OGDHL: variants seen among roughly 807,000 people sequenced by gnomAD.
OGDHL encodes the protein 2-oxoglutarate dehydrogenase-like, mitochondrial.
A neutral mutation model predicts 109.6 loss-of-function variants in OGDHL; 79 were observed. That is an observed-to-expected ratio of 0.72 (90% CI 0.60 to 0.87). The LOEUF (loss-of-function observed/expected upper bound fraction) is 0.87. OGDHL is among the 40% of genes least tolerant of loss of function. OGDHL has a pLI of 0.00. For missense variants in OGDHL, 1,275 were observed against 1,362.2 expected (o/e 0.94, Z 1.01); for synonymous variants, 528 against 537.2 (o/e 0.98, Z 0.24).
chr10:49,756,891 T>C lies in OGDHL; in HGVS notation c.260A>G (p.Gln87Arg), dbSNP rs1842950419. Reference protein sequence around the residue: ...ASEEAFSGSAQPRPPSVVHES... With the variant: ...ASEEAFSGSARPRPPSVVHES... ...ATGGACAACAGAAGGGGGCCGTGGCTGAGCAGAGCCAGAAAAGGCTTCCTC... is the reference window on the plus strand; with the variant it reads ...ATGGACAACAGAAGGGGGCCGTGGCCGAGCAGAGCCAGAAAAGGCTTCCTC... The change falls in exon 3 of 23, where the codon CAG (glutamine) becomes CGG (arginine). Residue 87 changes from glutamine (Q) to arginine (R), a missense_variant. Coordinates refer to ENST00000374103, the MANE Select transcript of OGDHL (RefSeq NM_018245.3). 1 of 1,613,962 alleles carries C rather than the reference T, an allele frequency of 6.2e-7. No individual in the cohort carries two copies. The highest frequency in any genetic ancestry group is 1.1e-5 in the South Asian group (1 of 90,990).
At position 49,736,036 on chromosome 10, in the gene OGDHL, C is replaced by T. The variant is rs752009746; in HGVS notation, c.2896G>A (p.Ala966Thr). 4.4e-6 allele frequency: 7 copies of T among 1,587,042 alleles called. No homozygotes were observed. The highest frequency in any genetic ancestry group is 5.1e-6 in the Non-Finnish European group (6 of 1,167,574). The change falls in exon 22 of 23, where the codon GCA becomes ACA. Residue 966 changes from alanine (A) to threonine (T), a missense_variant. Coordinates refer to ENST00000374103, the MANE Select transcript of OGDHL (RefSeq NM_018245.3). Reference protein sequence around the residue: ...SPRFMTILRRARPIWYVGRDP... With the variant: ...SPRFMTILRRTRPIWYVGRDP... ...CCCACCATGTACCATATGGGCCGTG[C>T]GCGCCTCAGGATGGTCATGAAGCGT...
In OGDHL at chr10:49,756,828, C is replaced by T. The variant is rs1842945851; in HGVS notation, c.323G>A (p.Ser108Asn). The T allele has an allele frequency of 1.2e-6, 2 of 1,613,880 alleles. No individual in the cohort carries two copies. The highest frequency in any genetic ancestry group is 1.1e-5 in the South Asian group (1 of 91,002). The change falls in exon 3 of 23, where the codon AGC (serine) becomes AAC (asparagine). Residue 108 changes from serine to asparagine, a missense_variant. Ser to Asn is a conservative substitution (Grantham distance 46, BLOSUM62 1). Transcript: ENST00000374103. ...AGCCAGGTGGTCCTCCACCAATTTG[C>T]TGGTCTTGGTCCGACTTGAGACTGC... is the stretch of plus-strand genomic sequence containing the variant. ...RSAVSSRTKTSKLVEDHLAVQ... is the reference protein window; with the variant it reads ...RSAVSSRTKTNKLVEDHLAVQ...
In OGDHL at chr10:49,745,430, T is replaced by C. The variant is rs866971829; in HGVS notation, c.1543A>G (p.Lys515Glu). 8 of 1,614,132 alleles carry C rather than the reference T, an allele frequency of 5.0e-6. No individual in the cohort carries two copies. In the Middle Eastern group the frequency reaches 1.2e-3, roughly 233 times the overall value. Residue 515 changes from lysine (K) to glutamate (E), a missense_variant, in exon 12 of 23, where the codon AAG becomes GAG. Lys to Glu is a moderately conservative substitution (Grantham distance 56, BLOSUM62 1). Transcript: ENST00000374103. ...EPMFTQPLMY[K>E]QIHRQVPVLK... ...ACAGGCACCTGTCTGTGGATCTGCT[T>C]GTACATGAGCGGCTGGGTGAACATG...
chr10:49,744,138 G>GCTTCTTCAA lies in OGDHL; in HGVS notation c.1733-17_1733-16insTTGAAGAAG, dbSNP rs746844168. ...TTGAAGAAGCCTGAGAGGGAGAGAG[G>GCTTCTTCAA]CTCTGTCCACACTGTGTCAGTGGTG... On this transcript the variant is annotated splice_polypyrimidine_tract_variant and intron_variant, in intron 13 of 22. Transcript: ENST00000374103. 27 of 1,612,604 alleles carry GCTTCTTCAA rather than the reference G, an allele frequency of 1.7e-5. No individual in the cohort carries two copies. The highest frequency in any genetic ancestry group is 2.2e-5 in the Non-Finnish European group (26 of 1,179,564).
chr10:49,751,092 G>A (rs1338287166), intron 6 of OGDHL, 107 bp from the exon 7 acceptor site: 2 of 1,087,558 alleles, frequency 1.8e-6, no homozygotes, highest in Non-Finnish European at 2.6e-6. Context: ...GCTGAGGACA[G>A]AGGAAGTCAC....
Position 49,758,421 on chromosome 10 carries a change from C to A in OGDHL, c.172G>T (p.Ala58Ser). The change falls in exon 2 of 23, where the codon GCC becomes TCC. Residue 58 changes from alanine (A) to serine (S), a missense_variant. Transcript: ENST00000374103. ...GSSYMEEMYF[A>S]WLENPQSVHK... ...ACACTCTGGGGGTTTTCCAACCAGG[C>A]GAAGTACATCTCCTCCATGTAACTG... is the stretch of plus-strand genomic sequence containing the variant. 1 of 1,613,544 alleles carries A rather than the reference C, an allele frequency of 6.2e-7. No homozygotes were observed. Among genetic ancestry groups the A allele is most frequent in the Admixed American group, 1.7e-5 (1 of 60,016 alleles).
intron 16 of OGDHL, among the ~76,000 whole-genome samples, chr10:49,740,383 CAA>C (rs2132966599): frequency 6.6e-6 from 1 of 152,196 alleles, no homozygotes; most frequent in South Asian, 2.1e-4. Context: ...AGGGCTGGGC[CAA>C]GACTGGACTG....
In OGDHL at chr10:49,747,217, G is replaced by A. The variant is rs759780104; in HGVS notation, c.988-9C>T. On this transcript the variant is annotated splice_polypyrimidine_tract_variant and intron_variant, in intron 8 of 22. Coordinates refer to ENST00000374103, the MANE Select transcript of OGDHL (RefSeq NM_018245.3). The stretch of plus-strand genomic sequence containing the variant: ...TTGACATCCCCGGAGCCCTGAAGGT[G>A]GAGATGGGAACATGATGGATCCTCC... 7.4e-6 allele frequency: 12 copies of A among 1,613,220 alleles called. No individual in the cohort carries two copies. In the South Asian group the frequency reaches 1.1e-4, roughly 15 times the overall value.
chr10:49,762,247 C>A lies in OGDHL; in HGVS notation c.-10G>T, dbSNP rs1035143069. On this transcript the variant is annotated 5_prime_UTR_variant, in exon 1 of 23. Transcript: ENST00000374103. The stretch of plus-strand genomic sequence containing the variant: ...CGGGCCGCCGCGCTCACCGGGCGGG[C>A]GGGCCGGGTCCGCGCTGCAGCGAGG... 2 of 152,200 alleles carry A rather than the reference C, an allele frequency of 1.3e-5. No individual in the cohort carries two copies. Among genetic ancestry groups the A allele is most frequent in the Admixed American group, 1.3e-4 (2 of 15,280 alleles). The allele number at this position is 152,200 out of a possible 1,614,324, so 9.4% of individuals were successfully genotyped here.
intron 10 of OGDHL, 103 bp downstream of exon 10, chr10:49,746,647 A>C: frequency 6.9e-7 from 1 of 1,447,880 alleles, no homozygotes. Flanking sequence ...GCAGCACAGC[A>C]GTGGGCTCAG....
At chr10:49,761,589 T>C (rs1843284248) in intron 1 of OGDHL, among the ~76,000 whole-genome samples, 1 of 152,160 alleles carries the variant, frequency 6.6e-6, no homozygotes, top group Admixed American at 6.5e-5. Context: ...GAGGGGCTGC[T>C]AGGGCCTGCT....
At chr10:49,748,391 A>G (rs1842347919) in intron 8 of OGDHL, among the ~76,000 whole-genome samples, 1 of 152,218 alleles carries the variant, frequency 6.6e-6, no homozygotes, top group Non-Finnish European at 1.5e-5. Flanking sequence ...AAATGTTTCT[A>G]GAAGTACACA....
Position 49,739,827 on chromosome 10 carries a change from C to A in OGDHL, c.2153G>T (p.Gly718Val), listed in dbSNP as rs748686550. Reference protein sequence around the residue: ...SEYGVLGFELGYAMASPNALV... With the variant: ...SEYGVLGFELVYAMASPNALV... ...GGCATTGGGGCTGGCCATGGCATAG[C>A]CCAGCTCAAAGCCTAAACAGAAGAC... Residue 718 changes from glycine to valine, a missense_variant, in exon 17 of 23, where the codon GGC becomes GTC. Physicochemically the swap from Gly to Val is moderately radical, Grantham distance 109 (BLOSUM62 -3). Transcript: ENST00000374103. The A allele has an allele frequency of 1.2e-6, 2 of 1,613,594 alleles. No homozygotes were observed. The highest frequency in any genetic ancestry group is 1.7e-6 in the Non-Finnish European group (2 of 1,179,768).
intron 5 of OGDHL, 67 bp from the exon 6 acceptor site, chr10:49,752,048 G>C: frequency 1.2e-6 from 2 of 1,609,798 alleles, no homozygotes; most frequent in Non-Finnish European, 1.7e-6. Flanking sequence ...CTGCTGTCTA[G>C]AACAAAAAAG....
intron 1 of OGDHL, among the ~76,000 whole-genome samples, chr10:49,760,901 A>G (rs1409933980): frequency 6.6e-6 from 1 of 152,218 alleles, no homozygotes; most frequent in African/African-American, 2.4e-5. Context: ...CCACAGGGGA[A>G]TGGGGCAGTT....
rs757541062 is a variant in OGDHL at position 49,747,174 on chromosome 10, T to C, written c.1022A>G (p.Tyr341Cys). Residue 341 changes from tyrosine to cysteine, a missense_variant, in exon 9 of 23, where the codon TAC (tyrosine) becomes TGC (cysteine). Coordinates refer to ENST00000374103, the MANE Select transcript of OGDHL (RefSeq NM_018245.3). ...SGDVKYHLGM[Y>C]HERINRVTNR... ...GGTGACGCGGTTGATCCTCTCATGGTACATGCCCAGGTGGTACTTGACATC... is the reference window on the plus strand; with the variant it reads ...GGTGACGCGGTTGATCCTCTCATGGCACATGCCCAGGTGGTACTTGACATC... The C allele has an allele frequency of 1.2e-6, 2 of 1,614,042 alleles. No individual in the cohort carries two copies. Among genetic ancestry groups the C allele is most frequent in the African/African-American group, 2.7e-5 (2 of 74,936 alleles).
At position 49,737,875 on chromosome 10, in the gene OGDHL, C is replaced by G. The variant is rs776276630; in HGVS notation, c.2518-17G>C. On this transcript the variant is annotated splice_polypyrimidine_tract_variant and intron_variant, in intron 19 of 22. Transcript: ENST00000374103. Reference sequence around the variant, plus strand: ...GATAATCAGCTGGAAGGGAAATACACGCCCAGCTGCCAGCTGGCCCTGCCT... The same window carrying G: ...GATAATCAGCTGGAAGGGAAATACAGGCCCAGCTGCCAGCTGGCCCTGCCT... 2.5e-6 allele frequency: 4 copies of G among 1,614,084 alleles called. No homozygotes were observed. The Admixed American group carries it at 5.0e-5, about 20-fold the overall frequency.
chr10:49,747,328 A>T, intron 8 of OGDHL, 120 bp from the exon 9 acceptor site: 1 of 1,070,656 alleles, frequency 9.3e-7, no homozygotes, highest in Non-Finnish European at 1.4e-6. Context: ...ACTGCCTCAG[A>T]GGGCCAAGCT....
At chr10:49,746,117 G>A in intron 10 of OGDHL, 140 bp from the exon 11 acceptor site, 2 of 925,396 alleles carry the variant, frequency 2.2e-6, no homozygotes, top group Non-Finnish European at 3.2e-6. Context: ...ACAGGGTGAT[G>A]GTGAGCAGCC....
Sources: allele counts gnomAD v4.1 joint callset (sites outside exome capture counted in the v4.1 genomes callset), GRCh38; gene constraint gnomAD v4.1.1; transcripts MANE v1.5; gene names NCBI Gene and HGNC (gene_info 2026-07-23, HGNC 2026-07-21).